Variants in DCLK1 observed in about 807,000 individuals in gnomAD.
DCLK1 encodes doublecortin like kinase 1.
Under a neutral mutation model 86.2 loss-of-function variants are expected in DCLK1, and 16 were observed. That is an observed-to-expected ratio of 0.19 (90% CI 0.13 to 0.28). DCLK1 has a LOEUF of 0.28. Among genes scored for constraint, DCLK1 ranks in the 10% least tolerant of loss-of-function variants. DCLK1 has a pLI of 1.00. For missense variants in DCLK1, 590 were observed against 940.2 expected, an observed-to-expected ratio of 0.63 and a Z score of 4.87; for synonymous variants, 369 against 370.5, an observed-to-expected ratio of 1.00 and a Z score of 0.05.
intron 4 of DCLK1, among the ~76,000 whole-genome samples, chr13:35,946,750 T>C (rs984774248): frequency 5.3e-5 from 8 of 152,240 alleles, no homozygotes; most frequent in African/African-American, 1.7e-4. Context: ...ATCAAAAATA[T>C]CATTCTTAAA....
intron 3 of DCLK1, among the ~76,000 whole-genome samples, chr13:36,099,124 C>G (rs1043588098): frequency 5.3e-5 from 8 of 152,028 alleles, no homozygotes; most frequent in African/African-American, 1.9e-4. Flanking sequence ...CGTGCCACCA[C>G]ACCTGGCTCA....
At chr13:35,952,826 T>C (rs140392526) in intron 3 of DCLK1, among the ~76,000 whole-genome samples, 19 of 152,318 alleles carry the variant, frequency 1.2e-4, no homozygotes, top group African/African-American at 4.1e-4. Flanking sequence ...TATGTGATGG[T>C]GCTTAGCATT....
At chr13:35,795,925 C>CA (rs36039528) in intron 15 of DCLK1, among the ~76,000 whole-genome samples, 52,684 of 89,788 alleles carry the variant, frequency 0.59, 14,523 homozygotes, top group East Asian at 0.88. Context: ...AACTCCATCT[C>CA]AAAAAAAAAA....
intron 6 of DCLK1, among the ~76,000 whole-genome samples, chr13:35,844,377 A>G (rs539475320): frequency 2.0e-5 from 3 of 152,194 alleles, no homozygotes; most frequent in Non-Finnish European, 4.4e-5. Flanking sequence ...AGACAAATGC[A>G]CTTAGTTACA....
chr13:35,850,584 T>C (rs1593659987), intron 6 of DCLK1: 1 of 1,274,356 alleles, frequency 7.8e-7, no homozygotes, highest in African/African-American at 1.5e-5. Flanking sequence ...CATACATATT[T>C]ACTTTTGGAT....
chr13:35,943,602 G>T (rs1877206003), intron 4 of DCLK1, among the ~76,000 whole-genome samples: 1 of 152,134 alleles, frequency 6.6e-6, no homozygotes, highest in South Asian at 2.1e-4. Context: ...CCTGGCCAAG[G>T]TGAGGCTCCG....
chr13:36,045,332 GTATATATATATATATATA>G (rs1174545505), intron 3 of DCLK1, among the ~76,000 whole-genome samples: 23 of 55,778 alleles, frequency 4.1e-4, no homozygotes, highest in South Asian at 1.0e-3. Context: ...GTGTGTGTGT[GTATATATATATATATATA>G]TATATATATA....
intron 1 of DCLK1, among the ~76,000 whole-genome samples, chr13:36,130,141 T>C (rs1247859679): frequency 6.6e-6 from 1 of 152,130 alleles, no homozygotes; most frequent in Non-Finnish European, 1.5e-5. Flanking sequence ...GCATATCTTT[T>C]ATAATTTTCC....
intron 3 of DCLK1, among the ~76,000 whole-genome samples, chr13:36,057,350 C>A (rs1883374185): frequency 6.6e-6 from 1 of 152,020 alleles, no homozygotes; most frequent in Admixed American, 6.6e-5. Flanking sequence ...TTTAAAAAAC[C>A]TGAAGGTATA....
At chr13:35,801,770 G>T (rs2086925094) in intron 15 of DCLK1, among the ~76,000 whole-genome samples, 1 of 152,168 alleles carries the variant, frequency 6.6e-6, no homozygotes, top group Non-Finnish European at 1.5e-5. Flanking sequence ...GTAACAGCCA[G>T]AAGCCTTCTT....
intron 1 of DCLK1, among the ~76,000 whole-genome samples, chr13:36,128,390 C>CA (rs1284428512): frequency 6.6e-6 from 1 of 152,112 alleles, no homozygotes; most frequent in Non-Finnish European, 1.5e-5. Context: ...ACTGTAACTC[C>CA]AAAGCTGGTG....
At chr13:35,850,416 T>G in intron 6 of DCLK1, 1 of 1,055,468 alleles carries the variant, frequency 9.5e-7, no homozygotes, top group Non-Finnish European at 1.1e-6. Flanking sequence ...AGTGTGTTCT[T>G]GTACTCAATA....
intron 4 of DCLK1, among the ~76,000 whole-genome samples, chr13:35,935,470 G>A (rs766456243): frequency 6.6e-6 from 1 of 152,122 alleles, no homozygotes. Context: ...TGGGCTATGG[G>A]GAGTAAAAGT....
At chr13:35,916,447 A>G (rs1875417384) in intron 4 of DCLK1, among the ~76,000 whole-genome samples, 1 of 151,976 alleles carries the variant, frequency 6.6e-6, no homozygotes, top group African/African-American at 2.4e-5. Flanking sequence ...TCTTCCTTAC[A>G]ATTAGCCTTG....
At chr13:35,998,983 G>A (rs1424240808) in intron 3 of DCLK1, among the ~76,000 whole-genome samples, 1 of 152,148 alleles carries the variant, frequency 6.6e-6, no homozygotes, top group Non-Finnish European at 1.5e-5. Context: ...GGCCAGGCAT[G>A]GTGGCTCACG....
chr13:35,919,842 C>T (rs1432997758), intron 4 of DCLK1, among the ~76,000 whole-genome samples: 1 of 130,814 alleles, frequency 7.6e-6, no homozygotes, highest in East Asian at 2.4e-4. Context: ...AAATGTTTAC[C>T]TTCTTTAGAC....
intron 3 of DCLK1, among the ~76,000 whole-genome samples, chr13:36,090,305 G>A (rs1884773931): frequency 6.6e-6 from 1 of 152,176 alleles, no homozygotes; most frequent in Non-Finnish European, 1.5e-5. Flanking sequence ...TCTATTCACA[G>A]GCATATTTTC....
chr13:35,883,353 G>A (rs1316199199), intron 4 of DCLK1, among the ~76,000 whole-genome samples: 2 of 152,088 alleles, frequency 1.3e-5, no homozygotes, highest in African/African-American at 4.8e-5. Flanking sequence ...TCCAGCAAGA[G>A]TTCTCCCAAC....
chr13:35,805,762 C>T lies in DCLK1; in HGVS notation c.1881G>A (p.Met627Ile). 4.3e-6 allele frequency: 7 copies of T among 1,613,664 alleles called. No homozygotes were observed. The highest frequency in any genetic ancestry group is 5.9e-6 in the Non-Finnish European group (7 of 1,179,834). The change falls in exon 15 of 17, where the codon ATG becomes ATA. Residue 627 changes from methionine (M) to isoleucine (I), a missense_variant. Physicochemically the swap from Met to Ile is conservative, Grantham distance 10. This residue lies in a region of DCLK1 where 146 missense variants were observed against 190.2 expected (regional missense o/e 0.77). Coordinates refer to ENST00000360631, the MANE Select transcript of DCLK1 (RefSeq NM_001330071.2). ...ATCGCTGATCTACATCGACCAACAG[C>T]ATCATGGTAATGAGCTCCTGTGAAG... ...SDSAKELITM[M>I]LLVDVDQRFS...
Sources: allele counts gnomAD v4.1 joint callset (sites outside exome capture counted in the v4.1 genomes callset), GRCh38; gene constraint gnomAD v4.1.1; regional missense constraint gnomAD v4.1.1; transcripts MANE v1.5; gene names NCBI Gene and HGNC (gene_info 2026-07-23, HGNC 2026-07-21).